VAV3: variants seen among roughly 807,000 people sequenced by gnomAD.
The protein encoded by VAV3 is vav guanine nucleotide exchange factor 3.
In VAV3, 94 loss-of-function variants were observed where a neutral mutation model predicts 131.2. That is an observed-to-expected ratio of 0.72 (90% confidence interval 0.61 to 0.85). The LOEUF is 0.85. Ranked by LOEUF, VAV3 falls within the 40% of genes least tolerant of loss-of-function variation. VAV3 has a pLI of 0.00. For missense variants in VAV3, 939 were observed against 1,002.7 expected, an observed-to-expected ratio of 0.94 and a Z score of 0.86; for synonymous variants, 349 against 342.0, an observed-to-expected ratio of 1.02 and a Z score of -0.22.
chr1:107,777,477 C>T (rs758960676), intron 3 of VAV3, among the ~76,000 whole-genome samples, 181 bp from the exon 4 acceptor site: 1 of 152,164 alleles, frequency 6.6e-6, no homozygotes, highest in Non-Finnish European at 1.5e-5. Context: ...GTGGCTTTGT[C>T]TGGGGTTCCC....
intron 19 of VAV3, among the ~76,000 whole-genome samples, chr1:107,653,865 G>T (rs1347568224): frequency 1.3e-4 from 20 of 151,926 alleles, no homozygotes; most frequent in Admixed American, 1.3e-3. Flanking sequence ...TGAAAAAATT[G>T]CTCCCTTCCC....
At chr1:107,859,520 G>A (rs899783057) in intron 2 of VAV3, among the ~76,000 whole-genome samples, 3 of 152,106 alleles carry the variant, frequency 2.0e-5, no homozygotes, top group African/African-American at 7.2e-5. Flanking sequence ...TAAAATACTT[G>A]TAAACTGTTT....
Position 107,574,963 on chromosome 1 carries a change from C to CTCTGTGTGTGTGTG in VAV3, c.2351-766_2351-765insCACACACACACAGA, listed in dbSNP as rs1304869776. Among the ~76,000 whole-genome samples the CTCTGTGTGTGTGTG allele has an allele frequency of 3.7e-5, 3 of 81,178 alleles. 1 individual carries two copies. Among genetic ancestry groups the CTCTGTGTGTGTGTG allele is most frequent in the Admixed American group, 3.2e-4 (2 of 6,194 alleles). The allele number at this position is 81,178 out of a possible 152,430, so 53.3% of individuals were successfully genotyped here. ...ATCCTGTGTTCAGAGTTGAGTTTCTCTGTGTGTGTGTGTGTGTGTGTGTGT... is the reference window on the plus strand; with the variant it reads ...ATCCTGTGTTCAGAGTTGAGTTTCTCTCTGTGTGTGTGTGTGTGTGTGTGTGTGTGTGTGTGTGT... On this transcript the variant is annotated intron_variant, in intron 25 of 26. Coordinates refer to ENST00000370056, the MANE Select transcript of VAV3 (RefSeq NM_006113.5).
chr1:107,920,818 G>C (rs988729122), intron 1 of VAV3, among the ~76,000 whole-genome samples: 1 of 152,134 alleles, frequency 6.6e-6, no homozygotes, highest in African/African-American at 2.4e-5. Flanking sequence ...GATTATTTGT[G>C]TGTGTGTATA....
At chr1:107,792,285 T>A (rs774765202) in intron 2 of VAV3, among the ~76,000 whole-genome samples, 1 of 152,204 alleles carries the variant, frequency 6.6e-6, no homozygotes, top group African/African-American at 2.4e-5. Flanking sequence ...AGAAAACTTT[T>A]CAGTGTTAAA....
chr1:107,843,390 A>G (rs2100929413), intron 2 of VAV3, among the ~76,000 whole-genome samples: 1 of 145,448 alleles, frequency 6.9e-6, no homozygotes, highest in Admixed American at 6.9e-5. Context: ...ATATATATAT[A>G]GTTAATAAAC....
At chr1:107,889,598 A>G (rs1557904386) in intron 1 of VAV3, among the ~76,000 whole-genome samples, 1 of 152,194 alleles carries the variant, frequency 6.6e-6, no homozygotes, top group Admixed American at 6.5e-5. Flanking sequence ...TAAAAATCAC[A>G]TAACATTTCA....
intron 2 of VAV3, among the ~76,000 whole-genome samples, chr1:107,854,735 T>C (rs745492273): frequency 1.1e-4 from 16 of 152,186 alleles, no homozygotes; most frequent in Non-Finnish European, 2.4e-4. Context: ...CCTGCCATAG[T>C]GAATCACGAA....
chr1:107,782,014 C>T (rs1164568445), intron 2 of VAV3, among the ~76,000 whole-genome samples: 1 of 152,180 alleles, frequency 6.6e-6, no homozygotes, highest in Admixed American at 6.5e-5. Context: ...AGTATCCAGA[C>T]CCTTGAATTA....
At chr1:107,649,459 T>C (rs960184139) in intron 19 of VAV3, among the ~76,000 whole-genome samples, 1 of 152,072 alleles carries the variant, frequency 6.6e-6, no homozygotes, top group Non-Finnish European at 1.5e-5. Flanking sequence ...ATCACTAGTT[T>C]ATAAAATGGT....
At chr1:107,671,990 G>A (rs1359847344) in intron 19 of VAV3, among the ~76,000 whole-genome samples, 1 of 152,104 alleles carries the variant, frequency 6.6e-6, no homozygotes, top group Non-Finnish European at 1.5e-5. Flanking sequence ...AATTTAGACT[G>A]GGTGCAGTGG....
At chr1:107,613,531 A>C (rs1652913158) in intron 21 of VAV3, among the ~76,000 whole-genome samples, 1 of 152,128 alleles carries the variant, frequency 6.6e-6, no homozygotes, top group Non-Finnish European at 1.5e-5. Context: ...AATCATTTTC[A>C]TATATACCCA....
intron 1 of VAV3, among the ~76,000 whole-genome samples, chr1:107,897,056 G>C (rs919295008): frequency 1.3e-5 from 2 of 151,928 alleles, no homozygotes; most frequent in African/African-American, 4.8e-5. Flanking sequence ...ACAGTACCCA[G>C]ATGGCAACAC....
intron 2 of VAV3, among the ~76,000 whole-genome samples, chr1:107,802,247 T>A (rs1666862356): frequency 6.6e-6 from 1 of 152,072 alleles, no homozygotes. Context: ...TAACAGGGTT[T>A]TTTTTGTGGA....
intron 4 of VAV3, 106 bp from the exon 5 acceptor site, chr1:107,772,949 T>C (rs946235243): frequency 2.5e-5 from 23 of 914,956 alleles, no homozygotes; most frequent in Non-Finnish European, 3.6e-5. Context: ...GGAAATAAAA[T>C]GGAATTAGTG....
chr1:107,640,552 A>T (rs1447046487), intron 20 of VAV3, among the ~76,000 whole-genome samples: 1 of 152,222 alleles, frequency 6.6e-6, no homozygotes, highest in Non-Finnish European at 1.5e-5. Context: ...TATGTTTATT[A>T]TCCTGATTAT....
At chr1:107,908,153 A>C (rs1385005726) in intron 1 of VAV3, among the ~76,000 whole-genome samples, 3 of 152,168 alleles carry the variant, frequency 2.0e-5, no homozygotes, top group Non-Finnish European at 2.9e-5. Flanking sequence ...TGTAGGCAGG[A>C]TTTTGGCTTA....
intron 2 of VAV3, among the ~76,000 whole-genome samples, chr1:107,805,332 G>A (rs1178883189): frequency 6.6e-6 from 1 of 151,882 alleles, no homozygotes; most frequent in Non-Finnish European, 1.5e-5. Flanking sequence ...TATCTCATAC[G>A]TGACCTGTCA....
At chr1:107,855,252 A>C (rs1250126947) in intron 2 of VAV3, among the ~76,000 whole-genome samples, 1 of 152,134 alleles carries the variant, frequency 6.6e-6, no homozygotes, top group Non-Finnish European at 1.5e-5. Context: ...GCTCTTCAAG[A>C]AATCTCTGGT....
Sources: allele counts gnomAD v4.1 joint callset (sites outside exome capture counted in the v4.1 genomes callset), GRCh38; gene constraint gnomAD v4.1.1; transcripts MANE v1.5; gene names NCBI Gene and HGNC (gene_info 2026-07-23, HGNC 2026-07-21).